The following ACOT11 variants were observed in gnomAD, a reference collection of about 807,000 sequenced individuals.
ACOT11 encodes the protein acyl-coenzyme A thioesterase 11.
In ACOT11, 69 loss-of-function variants were observed where a neutral mutation model predicts 77.5. That is an observed-to-expected ratio of 0.89 (90% CI 0.73 to 1.09). The LOEUF is 1.09. Among genes scored for constraint, ACOT11 ranks in the 50% least tolerant of loss-of-function variants. The pLI is 0.00. For synonymous variants in ACOT11, 279 were observed against 313.0 expected, an observed-to-expected ratio of 0.89 and a Z score of 1.15; for missense variants, 766 against 813.7, an observed-to-expected ratio of 0.94 and a Z score of 0.71.
chr1:54,632,562 C>T (rs1448967490), intron 16 of ACOT11, among the ~76,000 whole-genome samples: 2 of 152,180 alleles, frequency 1.3e-5, no homozygotes, highest in Non-Finnish European at 2.9e-5. Context: ...GCGCATAGCA[C>T]AGCTCCTGGT....
At position 54,608,991 on chromosome 1, in the gene ACOT11, T is replaced by C; in HGVS notation, c.1664T>C (p.Leu555Pro). The C allele has an allele frequency of 6.2e-7, 1 of 1,614,002 alleles. No individual in the cohort carries two copies. The highest frequency in any genetic ancestry group is 1.7e-5 in the Admixed American group (1 of 60,006). ...TACAACCAGGCCACCCCAGGTGTTC[T>C]CAACTATGTGACCACCAACGTGGCC... ...SYYNQATPGVLNYVTTNVAGL... is the reference protein window; with the variant it reads ...SYYNQATPGVPNYVTTNVAGL... The change falls in exon 16 of 16, where the codon CTC (leucine) becomes CCC (proline). Residue 555 changes from leucine to proline, a missense_variant. By Grantham distance (98) the Leu-to-Pro change is moderately conservative. Coordinates refer to ENST00000343744, the MANE Select transcript of ACOT11 (RefSeq NM_147161.4).
intron 15 of ACOT11, 53 bp downstream of exon 15, chr1:54,608,121 C>G: frequency 6.4e-7 from 1 of 1,572,374 alleles, no homozygotes; most frequent in East Asian, 2.3e-5. Context: ...CCCAACACCA[C>G]ACGTGTATTG....
rs545047572 is a variant in ACOT11 at position 54,628,609 on chromosome 1, A to G, written c.1630-2125A>G. On this transcript the variant is annotated intron_variant, in intron 15 of 16. Transcript: ENST00000371316. Reference sequence around the variant, plus strand: ...GACCCCATCGCCCCCCCCCCCCAAAAAAGGAAAAAAGAAACCCATTTGCCT... The same window carrying G: ...GACCCCATCGCCCCCCCCCCCCAAAGAAGGAAAAAAGAAACCCATTTGCCT... Among the ~76,000 whole-genome samples, 9 of 120,732 alleles carry G rather than the reference A, an allele frequency of 7.5e-5. 2 individuals carry two copies. In the East Asian group the frequency reaches 2.5e-3, roughly 34 times the overall value. The allele number at this position is 120,732 out of a possible 152,430, so 79.2% of individuals were successfully genotyped here. A position where few individuals can be genotyped will look rare whatever the true frequency, so the allele number is the denominator to read the frequency against.
chr1:54,616,921 G>A (rs1644179026), intron 15 of ACOT11, among the ~76,000 whole-genome samples: 1 of 152,080 alleles, frequency 6.6e-6, no homozygotes, highest in African/African-American at 2.4e-5. Flanking sequence ...GCCCTGTCTG[G>A]TCTTGAACTC....
At chr1:54,622,250 T>C (rs1400928371) in intron 15 of ACOT11, among the ~76,000 whole-genome samples, 8 of 119,364 alleles carry the variant, frequency 6.7e-5, no homozygotes, top group Non-Finnish European at 1.1e-4. Context: ...CACTCTAGGC[T>C]GAGTGACAGA....
At chr1:54,633,970 C>A (rs149203790) in intron 16 of ACOT11, among the ~76,000 whole-genome samples, 6,705 of 152,214 alleles carry the variant, frequency 0.044, 178 homozygotes, top group Middle Eastern at 0.11. Context: ...GTGTTATTGT[C>A]CAAGAACAGG....
chr1:54,610,806 C>G, downstream of ACOT11: 1 of 984,754 alleles, frequency 1.0e-6, no homozygotes, highest in Non-Finnish European at 1.2e-6. Flanking sequence ...GAGCTGGTAT[C>G]CTTCCCGCTC....
At position 54,609,041 on chromosome 1, in the gene ACOT11, A is replaced by G. The variant is rs1644075098; in HGVS notation, c.1714A>G (p.Thr572Ala). ...VAGLSSEFYT[T>A]FKACEQFLLD... is the part of the protein sequence containing the mutation. ...CGGCCTCTCCTCTGAGTTCTACACC[A>G]CCTTCAAGGCTTGTGAGCAGTTTCT... Residue 572 changes from threonine to alanine, a missense_variant, in exon 16 of 16, where the codon ACC (threonine) becomes GCC (alanine). Thr to Ala is a moderately conservative substitution (Grantham distance 58, BLOSUM62 0). Transcript: ENST00000343744. 6.2e-7 allele frequency: 1 copy of G among 1,613,824 alleles called. No individual in the cohort carries two copies. Among genetic ancestry groups the G allele is most frequent in the African/African-American group, 1.3e-5 (1 of 74,836 alleles).
chr1:54,551,710 GTTTTGTTTTTGT>G (rs889985174), intron 1 of ACOT11, among the ~76,000 whole-genome samples: 2 of 151,608 alleles, frequency 1.3e-5, no homozygotes, highest in Non-Finnish European at 2.9e-5. Context: ...GGCTGTTTTT[GTTTTGTTTTTGT>G]TTTTGTTTTG....
intron 15 of ACOT11, among the ~76,000 whole-genome samples, chr1:54,625,865 G>C (rs1425367577): frequency 6.6e-6 from 1 of 150,996 alleles, no homozygotes; most frequent in Non-Finnish European, 1.5e-5. Context: ...CTTGAATCTG[G>C]GAGGCGGAGG....
intron 3 of ACOT11, among the ~76,000 whole-genome samples, chr1:54,591,616 GCCTCCTGCC>G (rs1654713496): frequency 6.6e-6 from 1 of 152,192 alleles, no homozygotes; most frequent in African/African-American, 2.4e-5. Flanking sequence ...CCGGCCTTTA[GCCTCCTGCC>G]CCTCCTCCCC....
intron 15 of ACOT11, chr1:54,623,176 T>C: frequency 1.5e-6 from 1 of 656,844 alleles, no homozygotes; most frequent in Non-Finnish European, 2.5e-6. Context: ...AAACTCCGTC[T>C]AAAAAAAAAA....
intron 12 of ACOT11, 66 bp from the exon 13 acceptor site, chr1:54,605,010 G>A (rs1294403988): frequency 1.3e-6 from 2 of 1,526,370 alleles, no homozygotes; most frequent in Non-Finnish European, 1.8e-6. Flanking sequence ...TCCAGTCTCA[G>A]CCTCCAGCAT....
At chr1:54,571,416 C>T (rs935966846) in intron 1 of ACOT11, among the ~76,000 whole-genome samples, 1 of 152,198 alleles carries the variant, frequency 6.6e-6, no homozygotes, top group Non-Finnish European at 1.5e-5. Context: ...AGCCAGAGAG[C>T]TTGAGGCTGA....
At chr1:54,618,743 G>A (rs977173474) in intron 15 of ACOT11, among the ~76,000 whole-genome samples, 45 of 152,100 alleles carry the variant, frequency 3.0e-4, no homozygotes, top group African/African-American at 1.1e-3. Context: ...CCATCTGCAG[G>A]AGCTCGCGGT....
intron 1 of ACOT11, among the ~76,000 whole-genome samples, chr1:54,565,558 T>C (rs1653705370): frequency 6.6e-6 from 1 of 152,318 alleles, no homozygotes; most frequent in Middle Eastern, 3.4e-3. Context: ...TCCCTGTCCA[T>C]TTCCTTTCTC....
intron 1 of ACOT11, among the ~76,000 whole-genome samples, chr1:54,568,093 T>C (rs1189594139): frequency 6.6e-6 from 1 of 152,156 alleles, no homozygotes; most frequent in Non-Finnish European, 1.5e-5. Context: ...TCCCTGCGCT[T>C]CCTTGGGGTT....
intron 15 of ACOT11, chr1:54,619,712 C>G: frequency 1.3e-6 from 1 of 753,106 alleles, no homozygotes. Flanking sequence ...GAGCTGGTCA[C>G]TTAACCCCTC....
intron 15 of ACOT11, among the ~76,000 whole-genome samples, chr1:54,617,112 G>T (rs1644180897): frequency 6.6e-6 from 1 of 152,204 alleles, no homozygotes; most frequent in Non-Finnish European, 1.5e-5. Context: ...CACTGACACT[G>T]AGTTATCTTT....
Sources: gnomAD v4.1 joint callset for allele counts (sites outside exome capture counted in the v4.1 genomes callset) on GRCh38, gnomAD v4.1.1 for gene constraint, MANE v1.5 for transcripts, NCBI Gene and HGNC (gene_info 2026-07-23, HGNC 2026-07-21) for gene names.